The following MYO3A variants were observed in gnomAD, a reference collection of about 807,000 sequenced individuals.
The protein encoded by MYO3A is myosin-IIIa.
In MYO3A, 180 loss-of-function variants were observed where a neutral mutation model predicts 192.7. The ratio of observed to expected loss-of-function variants is 0.93; its 90% CI spans 0.83 to 1.06. The LOEUF is 1.06. Ranked by LOEUF, MYO3A falls within the 50% of genes least tolerant of loss-of-function variation. MYO3A has a pLI of 0.00. For missense variants in MYO3A, 1,896 were observed against 1,905.0 expected (o/e 1.00, Z 0.09); for synonymous variants, 628 against 645.3 (o/e 0.97, Z 0.41).
At chr10:26,092,682 A>T (rs532086634) in intron 15 of MYO3A, among the ~76,000 whole-genome samples, 1 of 152,316 alleles carries the variant, frequency 6.6e-6, no homozygotes, top group East Asian at 1.9e-4. Context: ...CCTTCCTGCA[A>T]GCAGCTGAGT....
At position 26,157,485 on chromosome 10, in the gene MYO3A, A is replaced by T; in HGVS notation, c.2969A>T (p.His990Leu). The change falls in exon 26 of 35, where the codon CAT becomes CTT. Residue 990 changes from histidine (H) to leucine (L), a missense_variant. By Grantham distance (99) the His-to-Leu change is moderately conservative. Coordinates refer to ENST00000642920, the MANE Select transcript of MYO3A (RefSeq NM_017433.5). Reference sequence around the variant, plus strand: ...AGAATTCGAAGACTAGGATTCTCCCATCGGATACTTTTTGCTAACTTTATA... The same window carrying T: ...AGAATTCGAAGACTAGGATTCTCCCTTCGGATACTTTTTGCTAACTTTATA... ...TARIRRLGFS[H>L]RILFANFIKR... The T allele has an allele frequency of 6.2e-7, 1 of 1,614,156 alleles. No individual in the cohort carries two copies. Among genetic ancestry groups the T allele is most frequent in the Non-Finnish European group, 8.5e-7 (1 of 1,179,988 alleles).
Position 26,120,713 on chromosome 10 carries a change from T to G in MYO3A, c.1814T>G (p.Leu605Trp), listed in dbSNP as rs759720443. ...ATATACAGCATACTCGCTGCAATCT[T>G]GAATGTTGGCAACATTGAATTTTCT... ...GSIYSILAAI[L>W]NVGNIEFSSV... Residue 605 changes from leucine (L) to tryptophan (W), a missense_variant, in exon 18 of 35, where the codon TTG (leucine) becomes TGG (tryptophan). Physicochemically the swap from Leu to Trp is moderately conservative, Grantham distance 61. Transcript: ENST00000642920. The G allele has an allele frequency of 5.0e-6, 8 of 1,614,104 alleles. No individual in the cohort carries two copies. Among genetic ancestry groups the G allele is most frequent in the Non-Finnish European group, 6.8e-6 (8 of 1,179,986 alleles).
At chr10:26,021,780 T>G (rs1842322501) in intron 8 of MYO3A, 132 bp downstream of exon 8, 1 of 1,215,104 alleles carries the variant, frequency 8.2e-7, no homozygotes, top group African/African-American at 1.5e-5. Flanking sequence ...TCCTGGAATA[T>G]TATTCTGCTT....
At chr10:26,194,011 A>G (rs547169693) in intron 32 of MYO3A, among the ~76,000 whole-genome samples, 1 of 152,214 alleles carries the variant, frequency 6.6e-6, no homozygotes, top group East Asian at 1.9e-4. Flanking sequence ...AGAACCTGGG[A>G]GTCATTCTGG....
chr10:26,088,066 T>C (rs1836451875), intron 14 of MYO3A, 137 bp from the exon 15 acceptor site: 1 of 695,290 alleles, frequency 1.4e-6, no homozygotes, highest in South Asian at 2.1e-5. Flanking sequence ...GACCAGGATG[T>C]AACATCTGCC....
At chr10:26,209,796 G>A (rs948502094) in intron 34 of MYO3A, among the ~76,000 whole-genome samples, 5 of 152,212 alleles carry the variant, frequency 3.3e-5, no homozygotes, top group African/African-American at 9.6e-5. Context: ...AATATTGTCT[G>A]AGTACTTAAA....
chr10:25,935,361 C>T (rs1835990691), intron 1 of MYO3A, among the ~76,000 whole-genome samples: 1 of 152,134 alleles, frequency 6.6e-6, no homozygotes, highest in Non-Finnish European at 1.5e-5. Context: ...TGGAAATTGG[C>T]CATAAGCCTT....
chr10:26,097,823 T>G (rs1228340845), intron 17 of MYO3A, among the ~76,000 whole-genome samples: 1 of 152,206 alleles, frequency 6.6e-6, no homozygotes. Context: ...TCTTTGCTAT[T>G]GTGAATAGTG....
intron 10 of MYO3A, among the ~76,000 whole-genome samples, chr10:26,053,838 G>T (rs1231297818): frequency 6.7e-6 from 1 of 150,030 alleles, no homozygotes; most frequent in Non-Finnish European, 1.5e-5. Flanking sequence ...AAAAGAAAAA[G>T]AAATGAAAGA....
intron 14 of MYO3A, among the ~76,000 whole-genome samples, chr10:26,074,464 C>T (rs1385811404): frequency 6.6e-6 from 1 of 151,594 alleles, no homozygotes; most frequent in Non-Finnish European, 1.5e-5. Context: ...TATCCTCATG[C>T]AGTTTGGTCT....
chr10:25,991,535 AT>A (rs1196822897), intron 4 of MYO3A, among the ~76,000 whole-genome samples: 4 of 151,894 alleles, frequency 2.6e-5, no homozygotes, highest in African/African-American at 9.7e-5. Context: ...CCATTTGTCA[AT>A]TTTGGCTTTT....
chr10:25,934,803 TGAG>T (rs1243222307), intron 1 of MYO3A, among the ~76,000 whole-genome samples: 2 of 140,476 alleles, frequency 1.4e-5, no homozygotes, highest in Admixed American at 7.0e-5. Context: ...GGAATGAACT[TGAG>T]GAGGGAACGG....
At chr10:26,064,629 G>A (rs1454798504) in intron 10 of MYO3A, among the ~76,000 whole-genome samples, 1 of 152,098 alleles carries the variant, frequency 6.6e-6, no homozygotes, top group African/African-American at 2.4e-5. Context: ...CAAACCTCTT[G>A]GGAGGCTGTT....
At chr10:26,069,679 C>G (rs1382539016) in intron 12 of MYO3A, among the ~76,000 whole-genome samples, 5 of 151,824 alleles carry the variant, frequency 3.3e-5, no homozygotes, top group Non-Finnish European at 5.9e-5. Flanking sequence ...TTGGACAAAT[C>G]AAATGAGAGA....
chr10:26,111,541 T>C (rs1050977931), intron 17 of MYO3A, among the ~76,000 whole-genome samples: 1 of 152,178 alleles, frequency 6.6e-6, no homozygotes, highest in African/African-American at 2.4e-5. Context: ...CCCCTTCCAC[T>C]GCATCATTTC....
At chr10:26,028,351 C>T (rs1040240802) in intron 10 of MYO3A, among the ~76,000 whole-genome samples, 3 of 152,194 alleles carry the variant, frequency 2.0e-5, no homozygotes, top group Admixed American at 6.5e-5. Flanking sequence ...TGTGGATGAT[C>T]TTGGGAGATA....
At chr10:26,148,571 A>G (rs1840608165) in intron 23 of MYO3A, among the ~76,000 whole-genome samples, 2 of 152,230 alleles carry the variant, frequency 1.3e-5, no homozygotes, top group South Asian at 2.1e-4. Context: ...CACTGAAACT[A>G]TAGATCAATA....
At chr10:25,972,555 T>C (rs1194209683) in intron 4 of MYO3A, among the ~76,000 whole-genome samples, 1 of 152,180 alleles carries the variant, frequency 6.6e-6, no homozygotes, top group Admixed American at 6.5e-5. Context: ...CTTAAATTAT[T>C]ATAAGAAGTC....
intron 32 of MYO3A, among the ~76,000 whole-genome samples, chr10:26,198,555 T>C (rs1395454937): frequency 1.3e-5 from 2 of 152,226 alleles, no homozygotes; most frequent in Non-Finnish European, 2.9e-5. Context: ...AACGTTTAGC[T>C]CCTTCATCCG....
Sources: allele counts gnomAD v4.1 joint callset (sites outside exome capture counted in the v4.1 genomes callset), GRCh38; gene constraint gnomAD v4.1.1; transcripts MANE v1.5; gene names NCBI Gene and HGNC (gene_info 2026-07-23, HGNC 2026-07-21).